LRRFIP1: variants seen among roughly 807,000 people sequenced by gnomAD.
LRRFIP1 encodes LRR binding FLII interacting protein 1, also known as leucine-rich repeat flightless-interacting protein 1.
Under a neutral mutation model 104.4 loss-of-function variants are expected in LRRFIP1, and 62 were observed. The observed-to-expected ratio is 0.59, with a 90% CI of 0.48 to 0.73. The LOEUF (loss-of-function observed/expected upper bound fraction) is 0.73, where lower values mean the gene tolerates loss of function less well. Ranked by LOEUF, LRRFIP1 falls within the 30% of genes least tolerant of loss-of-function variation. The pLI, the probability that LRRFIP1 is intolerant of heterozygous loss-of-function variation, is 0.00. For missense variants in LRRFIP1, 796 were observed against 824.5 expected (o/e 0.97, Z 0.42); for synonymous variants, 300 against 299.0 (o/e 1.00, Z -0.03).
intron 1 of LRRFIP1, among the ~76,000 whole-genome samples, chr2:237,663,490 A>G (rs2047168): frequency 6.6e-6 from 1 of 152,148 alleles, no homozygotes; most frequent in Non-Finnish European, 1.5e-5. Flanking sequence ...TTCTATGAAC[A>G]AGAAAGGGGG....
At chr2:237,630,135 C>G (rs1489984901) in intron 1 of LRRFIP1, among the ~76,000 whole-genome samples, 1 of 152,226 alleles carries the variant, frequency 6.6e-6, no homozygotes, top group East Asian at 1.9e-4. Context: ...GTAGGTGCAG[C>G]TGTTACTAGT....
At chr2:237,724,818 G>A (rs115953632) in intron 7 of LRRFIP1, among the ~76,000 whole-genome samples, 1,913 of 151,384 alleles carry the variant, frequency 0.013, 24 homozygotes, top group African/African-American at 0.042. Context: ...TTTTTTTTTC[G>A]GTCTTAATTC....
intron 1 of LRRFIP1, among the ~76,000 whole-genome samples, chr2:237,652,083 T>C (rs1464214680): frequency 6.6e-6 from 1 of 152,234 alleles, no homozygotes; most frequent in African/African-American, 2.4e-5. Flanking sequence ...GTGCAGGTGG[T>C]GACGGCGGAT....
intron 1 of LRRFIP1, among the ~76,000 whole-genome samples, chr2:237,669,973 A>T (rs2090081349): frequency 6.6e-6 from 1 of 152,224 alleles, no homozygotes. Flanking sequence ...GACAGATTTG[A>T]ATATTAGACA....
intron 1 of LRRFIP1, among the ~76,000 whole-genome samples, chr2:237,634,288 T>C (rs1009800030): frequency 1.3e-5 from 2 of 152,248 alleles, no homozygotes; most frequent in Admixed American, 6.5e-5. Flanking sequence ...GGCTCCTGCA[T>C]TGAAGGACGG....
Position 237,733,641 on chromosome 2 carries a change from G to T in LRRFIP1, c.445-133G>T, listed in dbSNP as rs535291724. On this transcript the variant is annotated intron_variant, in intron 8 of 23. Transcript: ENST00000308482. ...TTGCAGAAAACACGGTGCCTCGATC[G>T]GTTTGTTTCTGTTTAACCACTGTAC... 100 of 765,852 alleles carry T rather than the reference G, an allele frequency of 1.3e-4. No individual in the cohort carries two copies. The African/African-American group carries it at 1.7e-3, about 13-fold the overall frequency. 47.4% of individuals were successfully genotyped at this position (765,852 alleles called of 1,614,324 possible).
chr2:237,761,464 G>A (rs531584517), intron 19 of LRRFIP1, among the ~76,000 whole-genome samples: 13 of 152,136 alleles, frequency 8.5e-5, no homozygotes, highest in Non-Finnish European at 1.6e-4. Flanking sequence ...ATCTGATTAC[G>A]CTGCTCTTAC....
intron 11 of LRRFIP1, among the ~76,000 whole-genome samples, chr2:237,745,585 TA>T (rs1455487888): frequency 6.6e-6 from 1 of 152,232 alleles, no homozygotes; most frequent in Non-Finnish European, 1.5e-5. Context: ...AAAGATGTGT[TA>T]AAGCCCTGCC....
intron 1 of LRRFIP1, among the ~76,000 whole-genome samples, chr2:237,656,805 T>C (rs1229551542): frequency 1.3e-5 from 2 of 152,254 alleles, no homozygotes; most frequent in Non-Finnish European, 2.9e-5. Flanking sequence ...TGTCAGTATG[T>C]ATTTTTACTT....
chr2:237,631,411 T>C (rs1331563286), intron 1 of LRRFIP1, among the ~76,000 whole-genome samples: 2 of 152,166 alleles, frequency 1.3e-5, no homozygotes, highest in Non-Finnish European at 2.9e-5. Context: ...CCTGCTTCCA[T>C]GTGATGGTTT....
intron 19 of LRRFIP1, among the ~76,000 whole-genome samples, chr2:237,760,888 A>G (rs989160029): frequency 1.3e-5 from 2 of 152,124 alleles, no homozygotes; most frequent in Non-Finnish European, 2.9e-5. Context: ...GATCAGAGGA[A>G]TATTTTATAC....
chr2:237,731,039 G>A (rs927811210), intron 8 of LRRFIP1, among the ~76,000 whole-genome samples: 11 of 152,258 alleles, frequency 7.2e-5, no homozygotes, highest in African/African-American at 1.4e-4. Context: ...AGCAGAGGCC[G>A]CGCAGAATGG....
At chr2:237,772,358 G>T (rs1186857171) in intron 21 of LRRFIP1, 160 bp downstream of exon 21, 2 of 593,822 alleles carry the variant, frequency 3.4e-6, no homozygotes, top group African/African-American at 3.7e-5. Context: ...TAGGTAGACA[G>T]AACAATGGTG....
intron 4 of LRRFIP1, among the ~76,000 whole-genome samples, chr2:237,718,955 A>T (rs2094442845): frequency 6.6e-6 from 1 of 152,246 alleles, no homozygotes; most frequent in Non-Finnish European, 1.5e-5. Flanking sequence ...ATATTTAAAA[A>T]ATCTTTACAC....
chr2:237,662,950 G>T (rs1019121199), intron 1 of LRRFIP1, among the ~76,000 whole-genome samples: 1 of 152,080 alleles, frequency 6.6e-6, no homozygotes, highest in Non-Finnish European at 1.5e-5. Context: ...TGCATAAACC[G>T]CTCCTTAATC....
chr2:237,713,280 G>A (rs751061530), intron 2 of LRRFIP1, among the ~76,000 whole-genome samples: 6 of 152,166 alleles, frequency 3.9e-5, no homozygotes, highest in South Asian at 2.1e-4. Context: ...CACAGACGGC[G>A]AGAACCCACT....
intron 1 of LRRFIP1, among the ~76,000 whole-genome samples, chr2:237,628,012 G>T (rs966403317): frequency 1.3e-5 from 2 of 151,388 alleles, no homozygotes; most frequent in Non-Finnish European, 3.0e-5. Context: ...CCCGGCCACC[G>T]TCGGCCGCTG....
intron 15 of LRRFIP1, among the ~76,000 whole-genome samples, 188 bp from the exon 16 acceptor site, chr2:237,755,907 C>CTGGACAACAGAGCAAGA (rs2059210626): frequency 6.6e-6 from 1 of 152,152 alleles, no homozygotes; most frequent in Non-Finnish European, 1.5e-5. Context: ...GTACTCCAGC[C>CTGGACAACAGAGCAAGA]TGGACAACAG....
chr2:237,685,605 C>A (rs926594638), intron 1 of LRRFIP1, among the ~76,000 whole-genome samples: 1 of 152,152 alleles, frequency 6.6e-6, no homozygotes, highest in Non-Finnish European at 1.5e-5. Flanking sequence ...TCCTCATTCC[C>A]ATGGAGCTCA....
Sources: allele counts gnomAD v4.1 joint callset (sites outside exome capture counted in the v4.1 genomes callset), GRCh38; gene constraint gnomAD v4.1.1; transcripts MANE v1.5; gene names NCBI Gene and HGNC (gene_info 2026-07-23, HGNC 2026-07-21).